Variants in GABRB2 observed in about 807,000 individuals in gnomAD.
GABRB2 encodes the protein gamma-aminobutyric acid type A receptor subunit beta2, also known as gamma-aminobutyric acid receptor subunit beta-2.
In GABRB2, 16 loss-of-function variants were observed where a neutral mutation model predicts 54.7. That is an observed-to-expected ratio of 0.29 (90% CI 0.20 to 0.44). The LOEUF is 0.44. Among genes scored for constraint, GABRB2 ranks in the 20% least tolerant of loss-of-function variants. The pLI is 1.00. For missense variants in GABRB2, 355 were observed against 644.0 expected (o/e 0.55, Z 4.86); for synonymous variants, 244 against 233.8 (o/e 1.04, Z -0.40).
chr5:161,361,193 C>T (rs1561622079), intron 5 of GABRB2, among the ~76,000 whole-genome samples: 1 of 151,628 alleles, frequency 6.6e-6, no homozygotes, highest in Non-Finnish European at 1.5e-5. Flanking sequence ...TCATTTCAAT[C>T]CTAATTTGAA....
chr5:161,515,304 G>T (rs1323277774), intron 3 of GABRB2, among the ~76,000 whole-genome samples: 1 of 151,818 alleles, frequency 6.6e-6, no homozygotes, highest in Non-Finnish European at 1.5e-5. Context: ...AAAGTAAAAG[G>T]AACTGTTTTG....
rs573644009 is a variant in GABRB2 at position 161,293,468 on chromosome 5, T to C, written c.*613A>G. ...AATGCCAAAATGAAAGACATCATAG[T>C]TGATTCTCCGTGCTCAAGCAAAGGG... On this transcript the variant is annotated 3_prime_UTR_variant, in exon 10 of 10. Transcript: ENST00000393959. 1 of 152,254 alleles carries C rather than the reference T, an allele frequency of 6.6e-6. No homozygotes were observed. The highest frequency in any genetic ancestry group is 1.9e-4 in the East Asian group (1 of 5,172). The allele number at this position is 152,254 out of a possible 1,614,324, so 9.4% of individuals were successfully genotyped here.
intron 3 of GABRB2, among the ~76,000 whole-genome samples, chr5:161,493,753 G>C (rs773115691): frequency 1.3e-5 from 2 of 151,654 alleles, no homozygotes; most frequent in Non-Finnish European, 3.0e-5. Context: ...ATGGATTGTT[G>C]CTGGTACAGA....
At chr5:161,513,917 G>A (rs1445210046) in intron 3 of GABRB2, among the ~76,000 whole-genome samples, 1 of 152,082 alleles carries the variant, frequency 6.6e-6, no homozygotes, top group Non-Finnish European at 1.5e-5. Flanking sequence ...CAATGAAGCT[G>A]GAGATGAGCT....
Position 161,362,259 on chromosome 5 carries a change from GC to G in GABRB2, c.542-25491del, listed in dbSNP as rs1754835994. Among the ~76,000 whole-genome samples the G allele has an allele frequency of 3.9e-5, 6 of 152,192 alleles. No individual in the cohort carries two copies. The South Asian group carries it at 1.2e-3, about 32-fold the overall frequency. On this transcript the variant is annotated intron_variant, in intron 5 of 9. Coordinates refer to ENST00000393959, the MANE Select transcript of GABRB2 (RefSeq NM_001371727.1). ...GTTTAGGATTGTCTTGGCTATATGG[GC>G]TCTTCTTTTAGTTCCATATGAAATG...
intron 4 of GABRB2, among the ~76,000 whole-genome samples, chr5:161,421,508 G>T (rs1412009499): frequency 6.6e-6 from 1 of 152,142 alleles, no homozygotes; most frequent in East Asian, 1.9e-4. Context: ...AGTTCAGTGG[G>T]CAACATATTC....
At chr5:161,524,657 C>T (rs1760218893) in intron 3 of GABRB2, among the ~76,000 whole-genome samples, 1 of 151,176 alleles carries the variant, frequency 6.6e-6, no homozygotes, top group African/African-American at 2.4e-5. Flanking sequence ...TTTATTAACA[C>T]TGAAAAAAAT....
chr5:161,458,599 G>C (rs943317150), intron 4 of GABRB2, among the ~76,000 whole-genome samples: 15 of 152,156 alleles, frequency 9.9e-5, no homozygotes, highest in African/African-American at 3.6e-4. Flanking sequence ...CCTGTTGAGG[G>C]CTTTGGCTCT....
At chr5:161,322,505 G>A (rs1758241548) in intron 9 of GABRB2, among the ~76,000 whole-genome samples, 1 of 152,078 alleles carries the variant, frequency 6.6e-6, no homozygotes, top group African/African-American at 2.4e-5. Context: ...CAAAGTGCTG[G>A]GATCACAAGT....
intron 3 of GABRB2, among the ~76,000 whole-genome samples, chr5:161,471,009 C>A (rs184057551): frequency 1.3e-5 from 2 of 152,004 alleles, no homozygotes; most frequent in African/African-American, 4.8e-5. Context: ...ATCATTATTC[C>A]TGAATCACCC....
intron 3 of GABRB2, among the ~76,000 whole-genome samples, chr5:161,535,082 G>T (rs1024492076): frequency 1.3e-5 from 2 of 152,094 alleles, no homozygotes; most frequent in African/African-American, 4.8e-5. Context: ...GACAGATTTT[G>T]CTGAAGCAAT....
chr5:161,539,172 C>G (rs1185240043), intron 3 of GABRB2, among the ~76,000 whole-genome samples: 1 of 152,198 alleles, frequency 6.6e-6, no homozygotes, highest in Non-Finnish European at 1.5e-5. Context: ...GAAGCTATTT[C>G]AGTCCATAAT....
At chr5:161,334,474 T>C (rs939692987) in intron 7 of GABRB2, among the ~76,000 whole-genome samples, 1 of 152,194 alleles carries the variant, frequency 6.6e-6, no homozygotes, top group Non-Finnish European at 1.5e-5. Context: ...AGCAATACTA[T>C]ATGAAATATG....
intron 9 of GABRB2, among the ~76,000 whole-genome samples, chr5:161,299,353 C>T (rs1413832119): frequency 6.6e-6 from 1 of 152,178 alleles, no homozygotes; most frequent in East Asian, 1.9e-4. Flanking sequence ...TTTTCTGAGC[C>T]AATGGCATGC....
intron 3 of GABRB2, 29 bp downstream of exon 3, chr5:161,545,198 A>G (rs1260656276): frequency 6.4e-7 from 1 of 1,563,842 alleles, no homozygotes. Context: ...AAAGTTTGCA[A>G]AGAAGTAGTC....
intron 4 of GABRB2, 56 bp downstream of exon 4, chr5:161,459,566 GAA>G: frequency 7.3e-7 from 1 of 1,374,960 alleles, no homozygotes; most frequent in South Asian, 1.2e-5. Context: ...TCCATCCAAT[GAA>G]AATTAACAGC....
chr5:161,483,856 G>T (rs1758838702), intron 3 of GABRB2, among the ~76,000 whole-genome samples: 1 of 151,756 alleles, frequency 6.6e-6, no homozygotes, highest in African/African-American at 2.4e-5. Context: ...ATCCCTGACA[G>T]ATGGTAACCC....
intron 5 of GABRB2, among the ~76,000 whole-genome samples, chr5:161,338,629 A>C (rs1181304357): frequency 2.0e-5 from 3 of 151,956 alleles, no homozygotes; most frequent in Non-Finnish European, 4.4e-5. Flanking sequence ...TCTATGAAAA[A>C]ATAATAAAAA....
chr5:161,459,970 G>T, intron 3 of GABRB2, 126 bp from the exon 4 acceptor site: 2 of 588,966 alleles, frequency 3.4e-6, no homozygotes, highest in Non-Finnish European at 2.9e-6. Context: ...TTTGAGACAG[G>T]GTCTCACTCT....
Sources: gnomAD v4.1 joint callset for allele counts (sites outside exome capture counted in the v4.1 genomes callset) on GRCh38, gnomAD v4.1.1 for gene constraint, MANE v1.5 for transcripts, NCBI Gene and HGNC (gene_info 2026-07-23, HGNC 2026-07-21) for gene names.